GRIN2B: variants seen among roughly 807,000 people sequenced by gnomAD.
The protein encoded by GRIN2B is glutamate ionotropic receptor NMDA type subunit 2B.
GRIN2B carries 5 observed loss-of-function variants against 114.5 expected under a neutral mutation model. The ratio of observed to expected loss-of-function variants is 0.04; its 90% confidence interval spans 0.02 to 0.09. The LOEUF is 0.09. Among genes scored for constraint, GRIN2B ranks in the 10% least tolerant of loss-of-function variants. The pLI is 1.00. For missense variants in GRIN2B, 1,108 were observed against 1,943.5 expected, an observed-to-expected ratio of 0.57 and a Z score of 8.08; for synonymous variants, 787 against 745.1, an observed-to-expected ratio of 1.06 and a Z score of -0.92.
At chr12:13,921,970 T>A (rs1866831684) in intron 2 of GRIN2B, among the ~76,000 whole-genome samples, 1 of 152,188 alleles carries the variant, frequency 6.6e-6, no homozygotes, top group South Asian at 2.1e-4. Flanking sequence ...TTGACCAAGT[T>A]ATTTTGCCTC....
At chr12:13,807,195 G>A (rs1257967176) in intron 3 of GRIN2B, among the ~76,000 whole-genome samples, 1 of 152,138 alleles carries the variant, frequency 6.6e-6, no homozygotes, top group Non-Finnish European at 1.5e-5. Flanking sequence ...TGAAAAAAAG[G>A]TGGTTGGATT....
chr12:13,843,148 A>G (rs1268323796), intron 3 of GRIN2B, among the ~76,000 whole-genome samples: 1 of 149,436 alleles, frequency 6.7e-6, no homozygotes, highest in Non-Finnish European at 1.5e-5. Flanking sequence ...TAAAAACAAT[A>G]ATATCAACAC....
At chr12:13,950,290 G>C (rs1867457732) in intron 2 of GRIN2B, among the ~76,000 whole-genome samples, 1 of 152,160 alleles carries the variant, frequency 6.6e-6, no homozygotes, top group African/African-American at 2.4e-5. Context: ...TGTTTACTGA[G>C]ACCCCAGCCC....
In GRIN2B at chr12:13,675,853, C is replaced by T. The variant is rs1188949321; in HGVS notation, c.1017G>A (p.Leu339=). 1 of 1,538,712 alleles carries T rather than the reference C, an allele frequency of 6.5e-7. No homozygotes were observed. Among genetic ancestry groups the T allele is most frequent in the East Asian group, 2.2e-5 (1 of 44,466 alleles). Reference sequence around the variant, plus strand: ...TCCTCCCCTCAAAAGTGACATTGATCAGATACCTGTAAAGATAAAATAAAA... The same window carrying T: ...TCCTCCCCTCAAAAGTGACATTGATTAGATACCTGTAAAGATAAAATAAAA... ...IYQSNMLNRY[L]INVTFEGRNL... is the part of the protein sequence containing the mutation. The change falls in exon 5 of 14, where the codon CTG becomes CTA. Residue 339 remains leucine, a synonymous_variant. Coordinates refer to ENST00000609686, the MANE Select transcript of GRIN2B (RefSeq NM_000834.5).
intron 4 of GRIN2B, among the ~76,000 whole-genome samples, chr12:13,714,738 T>G (rs1591692007): frequency 6.6e-6 from 1 of 151,942 alleles, no homozygotes; most frequent in African/African-American, 2.4e-5. Flanking sequence ...CACCTAATTT[T>G]TTTATTATTG....
intron 10 of GRIN2B, among the ~76,000 whole-genome samples, chr12:13,596,356 T>A (rs1239369657): frequency 6.6e-6 from 1 of 152,226 alleles, no homozygotes; most frequent in Non-Finnish European, 1.5e-5. Context: ...TAGAGGAGTT[T>A]CACAGAATTA....
chr12:13,950,496 A>C (rs575524109), intron 2 of GRIN2B, among the ~76,000 whole-genome samples: 1 of 152,354 alleles, frequency 6.6e-6, no homozygotes, highest in South Asian at 2.1e-4. Context: ...TATTATGAGG[A>C]TTAAGTGAGA....
intron 2 of GRIN2B, among the ~76,000 whole-genome samples, chr12:13,969,037 AG>A (rs773912699): frequency 3.9e-5 from 6 of 152,270 alleles, no homozygotes; most frequent in Non-Finnish European, 7.3e-5. Context: ...ACAGAATGGT[AG>A]GGGTAGGCTA....
intron 10 of GRIN2B, among the ~76,000 whole-genome samples, chr12:13,607,170 AAT>A (rs1276141967): frequency 8.1e-6 from 1 of 122,854 alleles, no homozygotes; most frequent in Non-Finnish European, 1.6e-5. Context: ...ATATATAAAA[AAT>A]ATATATAATA....
intron 4 of GRIN2B, among the ~76,000 whole-genome samples, chr12:13,680,586 C>T (rs1456745907): frequency 6.6e-6 from 1 of 151,890 alleles, no homozygotes; most frequent in Non-Finnish European, 1.5e-5. Context: ...TCTCACATTG[C>T]TAAAACTAGG....
intron 3 of GRIN2B, among the ~76,000 whole-genome samples, chr12:13,774,697 G>C (rs1319148785): frequency 6.6e-6 from 1 of 152,152 alleles, no homozygotes; most frequent in African/African-American, 2.4e-5. Flanking sequence ...AAACAGTTTA[G>C]CTTTATGTAT....
At chr12:13,622,895 T>C (rs536173527) in intron 5 of GRIN2B, among the ~76,000 whole-genome samples, 56 of 152,326 alleles carry the variant, frequency 3.7e-4, no homozygotes, top group Non-Finnish European at 1.5e-4. Flanking sequence ...CAACGTTGCA[T>C]TGAAGATTAA....
rs1376819229 is a variant in GRIN2B at position 13,541,102 on chromosome 12, A to G, written c.*21681T>C. 3 of 152,244 alleles carry G rather than the reference A, an allele frequency of 2.0e-5. No homozygotes were observed. The highest frequency in any genetic ancestry group is 6.5e-5 in the Admixed American group (1 of 15,284). 9.4% of individuals were successfully genotyped at this position (152,244 alleles called of 1,614,324 possible). On this transcript the variant is annotated 3_prime_UTR_variant, in exon 14 of 14. Coordinates refer to ENST00000609686, the MANE Select transcript of GRIN2B (RefSeq NM_000834.5). ...AGTGTAATTCTGATGCTGTTGGAGC[A>G]CTGGCTCCTGTCACGTGGAGGAAAA...
chr12:13,563,485 C>A lies in GRIN2B; in HGVS notation c.3753G>T (p.Leu1251=), dbSNP rs748973212. 3.7e-6 allele frequency: 6 copies of A among 1,614,204 alleles called. No homozygotes were observed. The highest frequency in any genetic ancestry group is 5.1e-6 in the Non-Finnish European group (6 of 1,180,048). Residue 1251 remains leucine (L), a synonymous_variant, in exon 14 of 14, where the codon CTG becomes CTT. Transcript: ENST00000609686. ...RCEACKKAGN[L]YDISEDNSLQ... The stretch of plus-strand genomic sequence containing the variant: ...GGGAGTTGTCCTCACTGATGTCATA[C>A]AGGTTGCCTGCTTTCTTGCAAGCCT...
rs1333431121 is a variant in GRIN2B, at chr12:13,559,286, A to AAAAT, written c.*3493_*3496dup. 6.6e-6 allele frequency: 1 copy of AAAAT among 152,258 alleles called. No homozygotes were observed. 9.4% of individuals were successfully genotyped at this position (152,258 alleles called of 1,614,324 possible). A position where few individuals can be genotyped will look rare whatever the true frequency, so the allele number is the denominator to read the frequency against. On this transcript the variant is annotated 3_prime_UTR_variant, in exon 14 of 14. Transcript: ENST00000609686. ...CCAACTGGGGCCAAATAAGTTTAGAAAAATAAAATTGTCCAGCTAACAGCT... is the reference window on the plus strand; with the variant it reads ...CCAACTGGGGCCAAATAAGTTTAGAAAAATAAATAAAATTGTCCAGCTAACAGCT...
chr12:13,870,517 C>A (rs540024507), intron 2 of GRIN2B, among the ~76,000 whole-genome samples: 11 of 152,118 alleles, frequency 7.2e-5, no homozygotes, highest in Non-Finnish European at 1.6e-4. Flanking sequence ...AGAGCAGGCT[C>A]AGAGCAGGCT....
At chr12:13,964,833 C>T (rs1221816862) in intron 2 of GRIN2B, among the ~76,000 whole-genome samples, 5 of 152,198 alleles carry the variant, frequency 3.3e-5, no homozygotes, top group Admixed American at 6.5e-5. Flanking sequence ...GTGACGGCAG[C>T]GGTGCAAAGC....
chr12:13,571,008 T>C (rs1213305257), intron 11 of GRIN2B, among the ~76,000 whole-genome samples: 1 of 152,200 alleles, frequency 6.6e-6, no homozygotes, highest in African/African-American at 2.4e-5. Flanking sequence ...TCTTCTGAAA[T>C]CTTCTGTGAC....
rs142071596 is a variant in GRIN2B at position 13,564,058 on chromosome 12, G to A, written c.3180C>T (p.Val1060=). The A allele has an allele frequency of 1.2e-6, 2 of 1,614,248 alleles. No individual in the cohort carries two copies. The highest frequency in any genetic ancestry group is 2.7e-5 in the African/African-American group (2 of 75,070). ...TGACGGTGTGGGTTGAGATGTCAGA[G>A]ACATCGGAGCGGATCAAGTCGTCGT... ...SGHDDLIRSD[V]SDISTHTVTY... The change falls in exon 14 of 14, where the codon GTC becomes GTT. Residue 1060 remains valine (V), a synonymous_variant. Coordinates refer to ENST00000609686, the MANE Select transcript of GRIN2B (RefSeq NM_000834.5). This position sits in a 1 kb window ranked among gnomAD's most constrained non-coding sequence, Gnocchi z 4.8.
Sources: allele counts gnomAD v4.1 joint callset (sites outside exome capture counted in the v4.1 genomes callset), GRCh38; gene constraint gnomAD v4.1.1; non-coding constraint Gnocchi (gnomAD v3.1); transcripts MANE v1.5; gene names NCBI Gene and HGNC (gene_info 2026-07-23, HGNC 2026-07-21).